The following UMODL1 variants were observed in gnomAD, a reference collection of about 807,000 sequenced individuals.
The protein encoded by UMODL1 is uromodulin-like 1.
A neutral mutation model predicts 136.3 loss-of-function variants in UMODL1; 128 were observed. That is an observed-to-expected ratio of 0.94 (90% CI 0.81 to 1.09). The LOEUF is 1.09. UMODL1 is among the 50% of genes least tolerant of loss of function. UMODL1 has a pLI of 0.00. For missense variants in UMODL1, 1,766 were observed against 1,725.6 expected, an observed-to-expected ratio of 1.02 and a Z score of -0.41; for synonymous variants, 721 against 720.0, an observed-to-expected ratio of 1.00 and a Z score of -0.02.
intron 4 of UMODL1, among the ~76,000 whole-genome samples, chr21:42,087,575 G>A (rs1027495441): frequency 6.6e-6 from 1 of 152,236 alleles, no homozygotes; most frequent in African/African-American, 2.4e-5. Flanking sequence ...AATTGGATGT[G>A]TACAACAGGA....
At chr21:42,077,048 TGTGTGTG>T in intron 2 of UMODL1, among the ~76,000 whole-genome samples, 1 of 141,412 alleles carries the variant, frequency 7.1e-6, no homozygotes, top group South Asian at 2.2e-4. Context: ...TGTGTGTGTG[TGTGTGTG>T]TGTGTGTGTG....
chr21:42,139,175 TAAAAG>T (rs943450905), intron 22 of UMODL1, among the ~76,000 whole-genome samples: 4 of 151,978 alleles, frequency 2.6e-5, no homozygotes, highest in African/African-American at 4.8e-5. Context: ...TAAATACTAA[TAAAAG>T]AAGAAGAGAA....
chr21:42,101,141 A>G (rs2066626280), intron 7 of UMODL1, among the ~76,000 whole-genome samples: 1 of 151,550 alleles, frequency 6.6e-6, no homozygotes, highest in Non-Finnish European at 1.5e-5. Flanking sequence ...ATTTGCTTTA[A>G]AGGCCTTGTC....
In UMODL1 at chr21:42,137,552, A is replaced by G. The variant is rs150147965; in HGVS notation, c.3889A>G (p.Arg1297Gly). 525 of 1,614,232 alleles carry G rather than the reference A, an allele frequency of 3.3e-4. 1 individual carries two copies. The African/African-American group carries it at 6.4e-3, about 20-fold the overall frequency. ...CACCCTTCTGATCGTGCGCTACCAG[A>G]GAATGAATGGGAGATACAACTTTAA... ...TATLLIVRYQRMNGRYNFKIQ... is the reference protein window; with the variant it reads ...TATLLIVRYQGMNGRYNFKIQ... The change falls in exon 22 of 23, where the codon AGA (arginine) becomes GGA (glycine). Residue 1297 changes from arginine to glycine, a missense_variant. By Grantham distance (125) the Arg-to-Gly change is moderately radical. Coordinates refer to ENST00000408910, the MANE Select transcript of UMODL1 (RefSeq NM_001004416.3).
At chr21:42,071,650 C>A (rs1013482172) in intron 1 of UMODL1, among the ~76,000 whole-genome samples, 1 of 152,070 alleles carries the variant, frequency 6.6e-6, no homozygotes, top group South Asian at 2.1e-4. Context: ...CCTGGGCGTT[C>A]GTGGGGGTAA....
chr21:42,093,221 G>T (rs998242771), intron 6 of UMODL1, among the ~76,000 whole-genome samples: 5 of 151,722 alleles, frequency 3.3e-5, no homozygotes, highest in Non-Finnish European at 5.9e-5. Flanking sequence ...TTTATTGTTT[G>T]TTTTTTATAG....
Position 42,123,016 on chromosome 21 carries a change from C to T in UMODL1, c.3013C>T (p.Arg1005Cys), listed in dbSNP as rs367919648. 100 of 1,613,922 alleles carry T rather than the reference C, an allele frequency of 6.2e-5. No homozygotes were observed. In the African/African-American group the frequency reaches 1.1e-3, roughly 18 times the overall value. ...GAAGGTGGTTGTCGCCATCCAGAAG[C>T]GCTTCCTGCAGCAGGAATCCATCCC... ...IEKVVVAIQK[R>C]FLQQESIPES... The change falls in exon 17 of 23, where the codon CGC becomes TGC. Residue 1005 changes from arginine to cysteine, a missense_variant. Physicochemically the swap from Arg to Cys is radical, Grantham distance 180. Transcript: ENST00000408910. This position sits in a 1 kb window ranked among gnomAD's most constrained non-coding sequence, Gnocchi z 4.4.
At chr21:42,140,030 T>C (rs2067258197) in intron 22 of UMODL1, among the ~76,000 whole-genome samples, 1 of 152,146 alleles carries the variant, frequency 6.6e-6, no homozygotes, top group Admixed American at 6.5e-5. Context: ...CCTGGGAGGA[T>C]TGGCTTGAGT....
chr21:42,101,409 G>T (rs139576272), intron 7 of UMODL1, among the ~76,000 whole-genome samples: 1 of 152,282 alleles, frequency 6.6e-6, no homozygotes, highest in African/African-American at 2.4e-5. Context: ...CATTTCTGTG[G>T]CCTTAAGTGT....
At chr21:42,100,960 G>A (rs1044306048) in intron 7 of UMODL1, among the ~76,000 whole-genome samples, 5 of 119,128 alleles carry the variant, frequency 4.2e-5, no homozygotes, top group East Asian at 2.5e-4. Context: ...CACCAACCCC[G>A]TGCCTTCAGG....
intron 9 of UMODL1, 62 bp downstream of exon 9, chr21:42,104,149 CT>C: frequency 6.7e-7 from 1 of 1,496,766 alleles, no homozygotes; most frequent in Non-Finnish European, 9.1e-7. Flanking sequence ...CTCTTGGTGA[CT>C]TTATTTGAGT....
chr21:42,134,497 G>A (rs1217254111), intron 21 of UMODL1, among the ~76,000 whole-genome samples: 1 of 152,216 alleles, frequency 6.6e-6, no homozygotes, highest in Non-Finnish European at 1.5e-5. Context: ...AATTACTGTA[G>A]CTGCTCAGCA....
In UMODL1 at chr21:42,099,950, A is replaced by G. The variant is rs56109792; in HGVS notation, c.1186+770A>G. 0.21 allele frequency among the ~76,000 whole-genome samples: 32,583 copies of G among 152,130 alleles called. 3,585 individuals are homozygous for G. The highest frequency in any genetic ancestry group is 0.27 in the South Asian group (1,327 of 4,826). On this transcript the variant is annotated intron_variant, in intron 7 of 22. Transcript: ENST00000408910. This position sits in a 1 kb window ranked among gnomAD's most constrained non-coding sequence, Gnocchi z 4.1. The stretch of plus-strand genomic sequence containing the variant: ...AGGAGGCAACTTTTGTCTCCAAAAC[A>G]CACACGACACACACATGAACTTGGG...
At chr21:42,107,965 C>T (rs1357287162) in intron 9 of UMODL1, among the ~76,000 whole-genome samples, 3 of 152,234 alleles carry the variant, frequency 2.0e-5, no homozygotes, top group Admixed American at 6.5e-5. Flanking sequence ...GCTCTGCGCC[C>T]TCGCCTGGCC....
intron 1 of UMODL1, among the ~76,000 whole-genome samples, chr21:42,073,608 G>T (rs2066256028): frequency 6.6e-6 from 1 of 152,202 alleles, no homozygotes. Flanking sequence ...CAAATCTGCA[G>T]CCTCTTCCCT....
At chr21:42,092,060 A>G (rs899777343) in intron 6 of UMODL1, among the ~76,000 whole-genome samples, 3 of 152,222 alleles carry the variant, frequency 2.0e-5, no homozygotes, top group South Asian at 2.1e-4. Context: ...GCTGGCCGGC[A>G]AGCAGGGAGG....
At position 42,079,833 on chromosome 21, in the gene UMODL1, G is replaced by C. The variant is rs114708919; in HGVS notation, c.319+3586G>C. Among the ~76,000 whole-genome samples the C allele has an allele frequency of 2.8e-3, 430 of 152,330 alleles. 5 individuals carry two copies. Among genetic ancestry groups the C allele is most frequent in the African/African-American group, 9.8e-3 (408 of 41,566 alleles). On this transcript the variant is annotated intron_variant, in intron 2 of 22. Transcript: ENST00000408910. The stretch of plus-strand genomic sequence containing the variant: ...TCTGACCCCCAGGCAGATTTTTGGG[G>C]GTTTACCAAGCTGCACTTTAGTATA...
Position 42,084,205 on chromosome 21 carries a change from C to A in UMODL1, c.441C>A (p.Pro147=). 1 of 1,613,874 alleles carries A rather than the reference C, an allele frequency of 6.2e-7. No homozygotes were observed. Among genetic ancestry groups the A allele is most frequent in the South Asian group, 1.1e-5 (1 of 91,078 alleles). The part of the protein sequence containing the change: ...IDCPGLEKCC[P]WSGGRYCMAP... The stretch of plus-strand genomic sequence containing the variant: ...GTCCTGGACTTGAGAAGTGCTGCCC[C>A]TGGTCAGGGGGGCGCTACTGCATGG... The change falls in exon 3 of 23, where the codon CCC becomes CCA. Residue 147 remains proline (P), a synonymous_variant. Transcript: ENST00000408910.
intron 20 of UMODL1, among the ~76,000 whole-genome samples, chr21:42,128,371 A>C (rs59324165): frequency 1.0e-3 from 153 of 152,326 alleles, no homozygotes; most frequent in African/African-American, 3.4e-3. Flanking sequence ...ACAGACAAGT[A>C]CATGAGGTTC....
Sources: allele counts gnomAD v4.1 joint callset (sites outside exome capture counted in the v4.1 genomes callset), GRCh38; gene constraint gnomAD v4.1.1; non-coding constraint Gnocchi (gnomAD v3.1); transcripts MANE v1.5; gene names NCBI Gene and HGNC (gene_info 2026-07-23, HGNC 2026-07-21).